The following HDAC4 variants were observed in gnomAD, a reference collection of about 807,000 sequenced individuals.
HDAC4 encodes histone deacetylase A.
HDAC4 carries 16 observed loss-of-function variants against 135.1 expected under a neutral mutation model. The ratio of observed to expected loss-of-function variants is 0.12; its 90% CI spans 0.08 to 0.18. The LOEUF is 0.18. Among genes scored for constraint, HDAC4 ranks in the 10% least tolerant of loss-of-function variants. The probability of loss-of-function intolerance (pLI) is 1.00; values close to 1 mark genes in which losing one functional copy is unlikely to be tolerated. For synonymous variants in HDAC4, 685 were observed against 653.4 expected, an observed-to-expected ratio of 1.05 and a Z score of -0.74; for missense variants, 1,143 against 1,511.8, an observed-to-expected ratio of 0.76 and a Z score of 4.05.
chr2:239,375,746 C>CA (rs1694960301), intron 1 of HDAC4, among the ~76,000 whole-genome samples: 1 of 152,206 alleles, frequency 6.6e-6, no homozygotes, highest in Non-Finnish European at 1.5e-5. Flanking sequence ...CACCCACTGC[C>CA]AGGTGCTCTG....
intron 8 of HDAC4, among the ~76,000 whole-genome samples, chr2:239,142,109 T>C (rs997822430): frequency 6.6e-6 from 1 of 152,102 alleles, no homozygotes; most frequent in Non-Finnish European, 1.5e-5. Flanking sequence ...GAACACGGGC[T>C]GCGGGAATGT....
rs1222744173 is a variant in HDAC4, at chr2:239,345,996, A to G, written c.22+6682T>C. 2.7e-5 allele frequency among the ~76,000 whole-genome samples: 4 copies of G among 148,488 alleles called. No individual in the cohort carries two copies. The East Asian group carries it at 8.1e-4, about 30-fold the overall frequency. On this transcript the variant is annotated intron_variant, in intron 2 of 26. Coordinates refer to ENST00000543185, the MANE Select transcript of HDAC4 (RefSeq NM_001378414.1). ...AAACACATATACCACCGTCTCACACACTTGCACTCACTCTCACACACACAT... is the reference window on the plus strand; with the variant it reads ...AAACACATATACCACCGTCTCACACGCTTGCACTCACTCTCACACACACAT...
intron 2 of HDAC4, among the ~76,000 whole-genome samples, chr2:239,265,701 C>T (rs2049681837): frequency 6.6e-6 from 1 of 152,262 alleles, no homozygotes; most frequent in Admixed American, 6.5e-5. Flanking sequence ...ACACAGCCAC[C>T]AGGCTGGGTG....
intron 8 of HDAC4, among the ~76,000 whole-genome samples, chr2:239,143,909 C>T (rs1020965083): frequency 4.6e-5 from 7 of 152,242 alleles, no homozygotes; most frequent in Non-Finnish European, 8.8e-5. Flanking sequence ...CTCCTTTATC[C>T]TGGTGCTGTG....
chr2:239,203,742 C>T (rs2153079964), intron 3 of HDAC4, among the ~76,000 whole-genome samples: 1 of 152,308 alleles, frequency 6.6e-6, no homozygotes, highest in South Asian at 2.1e-4. Flanking sequence ...CCAGCCCTGG[C>T]TGGGGATTCC....
intron 9 of HDAC4, among the ~76,000 whole-genome samples, chr2:239,136,530 C>T (rs2040968240): frequency 6.6e-6 from 1 of 152,154 alleles, no homozygotes; most frequent in Non-Finnish European, 1.5e-5. Flanking sequence ...AAAACGAAAA[C>T]AGGCAACTGG....
chr2:239,144,856 G>A, intron 7 of HDAC4, 142 bp from the exon 8 acceptor site: 1 of 815,396 alleles, frequency 1.2e-6, no homozygotes, highest in Non-Finnish European at 2.1e-6. Flanking sequence ...AGAGCGCAGG[G>A]AGCTCACGAA....
chr2:239,232,527 G>T (rs2047636831), intron 3 of HDAC4, among the ~76,000 whole-genome samples: 2 of 147,616 alleles, frequency 1.4e-5, no homozygotes, highest in African/African-American at 5.0e-5. Flanking sequence ...TCGGTGTCAA[G>T]TCTCCTCCAA....
intron 2 of HDAC4, among the ~76,000 whole-genome samples, chr2:239,345,314 C>G (rs1055209077): frequency 6.6e-6 from 1 of 152,044 alleles, no homozygotes; most frequent in Admixed American, 6.6e-5. Flanking sequence ...TTTGGGAGGC[C>G]GAGGGGGCAG....
chr2:239,305,363 T>G (rs2052519030), intron 2 of HDAC4: 1 of 152,790 alleles, frequency 6.5e-6, no homozygotes, highest in Admixed American at 6.5e-5. Flanking sequence ...GGAACATTCC[T>G]TACTCCGCTG....
At chr2:239,228,249 CT>C (rs2047354781) in intron 3 of HDAC4, among the ~76,000 whole-genome samples, 1 of 152,216 alleles carries the variant, frequency 6.6e-6, no homozygotes, top group African/African-American at 2.4e-5. Flanking sequence ...GAGCAGCCTG[CT>C]GGAGGCCATG....
chr2:239,219,533 G>A (rs1355182762), intron 3 of HDAC4, among the ~76,000 whole-genome samples: 1 of 151,948 alleles, frequency 6.6e-6, no homozygotes, highest in East Asian at 1.9e-4. Flanking sequence ...ACGAGTTAAT[G>A]GGTGCAGCAC....
intron 3 of HDAC4, among the ~76,000 whole-genome samples, chr2:239,221,609 G>GAC (rs3838519): frequency 0.012 from 1,764 of 149,052 alleles, 18 homozygotes; most frequent in African/African-American, 0.016. Context: ...CTGAGAGTGG[G>GAC]ACACACACAC....
At chr2:239,087,950 C>T (rs1323152999) in intron 18 of HDAC4, among the ~76,000 whole-genome samples, 1 of 152,192 alleles carries the variant, frequency 6.6e-6, no homozygotes, top group African/African-American at 2.4e-5. Context: ...AAAGGATGTG[C>T]TCACTCCCCG....
chr2:239,232,702 T>C (rs1478155051), intron 3 of HDAC4, among the ~76,000 whole-genome samples: 1 of 66,152 alleles, frequency 1.5e-5, no homozygotes, highest in East Asian at 5.2e-4. Flanking sequence ...AAGCCAAGGG[T>C]GGCCCTTCCC....
intron 7 of HDAC4, among the ~76,000 whole-genome samples, chr2:239,152,111 G>T (rs2042154819): frequency 1.3e-5 from 2 of 152,184 alleles, no homozygotes; most frequent in Non-Finnish European, 2.9e-5. Flanking sequence ...AGATGTTACT[G>T]GGGAAAACTA....
At chr2:239,251,502 C>T (rs952010925) in intron 2 of HDAC4, among the ~76,000 whole-genome samples, 8 of 152,030 alleles carry the variant, frequency 5.3e-5, no homozygotes, top group Non-Finnish European at 7.4e-5. Flanking sequence ...GGCTGAGGCA[C>T]GAGGATCTCT....
chr2:239,168,932 G>A (rs978911999), intron 5 of HDAC4, among the ~76,000 whole-genome samples: 2 of 152,228 alleles, frequency 1.3e-5, no homozygotes, highest in Non-Finnish European at 2.9e-5. Flanking sequence ...GAGGGGAGCA[G>A]GAACATTCCA....
In HDAC4 at chr2:239,307,224, C is replaced by T. The variant is rs1456112081; in HGVS notation, c.22+45454G>A. 1.3e-5 allele frequency among the ~76,000 whole-genome samples: 2 copies of T among 152,162 alleles called. No individual in the cohort carries two copies. Among genetic ancestry groups the T allele is most frequent in the African/African-American group, 2.4e-5 (1 of 41,454 alleles). ...AAAGCCCAGGGCCTGGGGCAGGCTC[C>T]GTGCCCCAATGGTCATCCTCAGATG... On this transcript the variant is annotated intron_variant, in intron 2 of 26. Coordinates refer to ENST00000543185, the MANE Select transcript of HDAC4 (RefSeq NM_001378414.1). This position sits in a 1 kb window ranked among gnomAD's most constrained non-coding sequence, Gnocchi z 4.8.
Sources: gnomAD v4.1 joint callset for allele counts (sites outside exome capture counted in the v4.1 genomes callset) on GRCh38, gnomAD v4.1.1 for gene constraint, Gnocchi (gnomAD v3.1) non-coding constraint, MANE v1.5 for transcripts, NCBI Gene and HGNC (gene_info 2026-07-23, HGNC 2026-07-21) for gene names.